PRELID2: variants seen among roughly 807,000 people sequenced by gnomAD.
PRELID2 encodes the protein PRELI domain containing 2.
PRELID2 carries 25 observed loss-of-function variants against 28.4 expected under a neutral mutation model. The observed-to-expected ratio is 0.88, with a 90% confidence interval of 0.64 to 1.23. The LOEUF is 1.23. PRELID2 is among the 50% of genes most tolerant of loss of function. The pLI, the probability that PRELID2 is intolerant of heterozygous loss-of-function variation, is 0.00. For missense variants in PRELID2, 201 were observed against 214.4 expected, an observed-to-expected ratio of 0.94 and a Z score of 0.39; for synonymous variants, 76 against 71.6, an observed-to-expected ratio of 1.06 and a Z score of -0.31.
chr5:145,325,086 G>C, the PRELID2 span, among the ~76,000 whole-genome samples: 1 of 148,998 alleles, frequency 6.7e-6, no homozygotes, highest in South Asian at 2.2e-4. Context: ...AATAATTAAA[G>C]TTTCTTATAA....
chr5:145,292,556 A>C, the PRELID2 span, among the ~76,000 whole-genome samples: 1 of 152,184 alleles, frequency 6.6e-6, no homozygotes, highest in Non-Finnish European at 1.5e-5. Flanking sequence ...TGGTAAGTGA[A>C]AGATGATGGC....
chr5:145,513,924 C>G (rs1320632803), intron 1 of PRELID2, among the ~76,000 whole-genome samples: 2 of 152,030 alleles, frequency 1.3e-5, no homozygotes, highest in Non-Finnish European at 2.9e-5. Flanking sequence ...AAAATAAAAT[C>G]CCTTACAGAC....
the PRELID2 span, among the ~76,000 whole-genome samples, chr5:145,349,613 A>G: frequency 6.6e-6 from 1 of 152,116 alleles, no homozygotes; most frequent in African/African-American, 2.4e-5. Context: ...CACATATACA[A>G]CCATCTTCAA....
chr5:145,240,684 TG>T, the PRELID2 span, among the ~76,000 whole-genome samples: 1 of 152,052 alleles, frequency 6.6e-6, no homozygotes. Flanking sequence ...GTAGAATTGC[TG>T]GGCCAAAGGG....
At chr5:145,546,193 A>G (rs1752786434) in intron 1 of PRELID2, among the ~76,000 whole-genome samples, 2 of 151,996 alleles carry the variant, frequency 1.3e-5, no homozygotes, top group African/African-American at 4.8e-5. Context: ...TTGTTATTGT[A>G]GCATGAGGTC....
chr5:145,739,946 G>A (rs998127959), intron 1 of PRELID2, among the ~76,000 whole-genome samples: 1 of 109,474 alleles, frequency 9.1e-6, no homozygotes, highest in East Asian at 2.8e-4. Context: ...GAAAAAAATA[G>A]GACAAATAGA....
At chr5:145,830,870 G>A (rs971432511) in intron 1 of PRELID2, among the ~76,000 whole-genome samples, 3 of 152,152 alleles carry the variant, frequency 2.0e-5, no homozygotes, top group South Asian at 4.1e-4. Flanking sequence ...TTTAAAAACC[G>A]TAGTATATTA....
At chr5:145,386,325 G>T in the PRELID2 span, among the ~76,000 whole-genome samples, 2 of 152,026 alleles carry the variant, frequency 1.3e-5, no homozygotes, top group African/African-American at 4.8e-5. Context: ...CCATGACACA[G>T]GTGGATTATG....
At chr5:145,692,368 A>G (rs1755168420) in intron 1 of PRELID2, among the ~76,000 whole-genome samples, 1 of 152,078 alleles carries the variant, frequency 6.6e-6, no homozygotes, top group African/African-American at 2.4e-5. Context: ...GGAGGTACAC[A>G]CACACACACA....
intron 1 of PRELID2, among the ~76,000 whole-genome samples, chr5:145,544,772 T>C (rs1252237641): frequency 3.9e-5 from 6 of 152,152 alleles, no homozygotes; most frequent in Non-Finnish European, 5.9e-5. Flanking sequence ...TTGTTTAGAA[T>C]TTTTATCAAA....
At chr5:145,456,109 G>A in the PRELID2 span, among the ~76,000 whole-genome samples, 3 of 152,176 alleles carry the variant, frequency 2.0e-5, no homozygotes, top group African/African-American at 7.2e-5. Context: ...TGCTACTAAA[G>A]GTGACTGGTC....
intron 1 of PRELID2, among the ~76,000 whole-genome samples, chr5:145,661,683 A>AC (rs1370727661): frequency 2.7e-5 from 4 of 150,924 alleles, no homozygotes; most frequent in Non-Finnish European, 2.9e-5. Context: ...AAAAAAAAAA[A>AC]AAAAAACATG....
At chr5:145,308,390 C>A in the PRELID2 span, among the ~76,000 whole-genome samples, 5 of 152,324 alleles carry the variant, frequency 3.3e-5, no homozygotes, top group Admixed American at 2.0e-4. Flanking sequence ...TTTTCTGTAA[C>A]GTGATATTTT....
the PRELID2 span, among the ~76,000 whole-genome samples, chr5:145,269,068 T>C: frequency 1.3e-5 from 2 of 152,232 alleles, no homozygotes; most frequent in African/African-American, 4.8e-5. Flanking sequence ...TTTTATAGAC[T>C]GAGAAATTCA....
chr5:145,398,929 G>A, the PRELID2 span, among the ~76,000 whole-genome samples: 2 of 151,978 alleles, frequency 1.3e-5, no homozygotes, highest in African/African-American at 4.8e-5. Flanking sequence ...TATAGAAAAA[G>A]GTTTCAGGGA....
intron 1 of PRELID2, among the ~76,000 whole-genome samples, chr5:145,589,452 T>C (rs1753197455): frequency 6.6e-6 from 1 of 151,836 alleles, no homozygotes; most frequent in African/African-American, 2.4e-5. Flanking sequence ...ACACTCTCGG[T>C]AGAATTGAAT....
rs146026206 is a variant in PRELID2 at position 145,740,841 on chromosome 5, G to C, written n.70+24090C>G. The stretch of plus-strand genomic sequence containing the variant: ...ACATATATACAAATATATATTTATC[G>C]ATAAATATATATGTACATATATTTA... On this transcript the variant is annotated intron_variant and non_coding_transcript_variant, in intron 1 of 2. Coordinates refer to the PRELID2 transcript ENST00000510259. Among the ~76,000 whole-genome samples, 30 of 32,850 alleles carry C rather than the reference G, an allele frequency of 9.1e-4. 2 individuals carry two copies. The East Asian group carries it at 0.038, about 42-fold the overall frequency. The allele number at this position is 32,850 out of a possible 152,430, so 21.6% of individuals were successfully genotyped here. A position where few individuals can be genotyped will look rare whatever the true frequency, so the allele number is the denominator to read the frequency against.
the PRELID2 span, among the ~76,000 whole-genome samples, chr5:145,413,523 A>T: frequency 4.1e-3 from 619 of 152,178 alleles, no homozygotes; most frequent in Non-Finnish European, 7.4e-3. Flanking sequence ...AGATACTTTC[A>T]TATGCATGTT....
chr5:145,711,741 G>C (rs1755701329), intron 1 of PRELID2, among the ~76,000 whole-genome samples: 1 of 152,076 alleles, frequency 6.6e-6, no homozygotes, highest in South Asian at 2.1e-4. Flanking sequence ...GGGTGGGTTG[G>C]GGGGCGGGGG....
Sources: allele counts gnomAD v4.1 joint callset (sites outside exome capture counted in the v4.1 genomes callset), GRCh38; gene constraint gnomAD v4.1.1; transcripts MANE v1.5; gene names NCBI Gene and HGNC (gene_info 2026-07-23, HGNC 2026-07-21).